Variants in SOX5 observed in about 807,000 individuals in gnomAD.
The protein encoded by SOX5 is transcription factor SOX-5.
A neutral mutation model predicts 92.0 loss-of-function variants in SOX5; 9 were observed. The observed-to-expected ratio is 0.10, with a 90% CI of 0.06 to 0.17. The LOEUF (loss-of-function observed/expected upper bound fraction) is 0.17. SOX5 is among the 10% of genes least tolerant of loss of function. The pLI, the probability that SOX5 is intolerant of heterozygous loss-of-function variation, is 1.00. For missense variants in SOX5, 642 were observed against 944.5 expected (o/e 0.68, Z 4.20); for synonymous variants, 344 against 336.3 (o/e 1.02, Z -0.25).
chr12:23,587,750 T>C (rs548417839), intron 9 of SOX5, among the ~76,000 whole-genome samples: 1 of 152,224 alleles, frequency 6.6e-6, no homozygotes, highest in Admixed American at 6.5e-5. Context: ...TATAGACCTA[T>C]TTGCCTTCAA....
intron 3 of SOX5, among the ~76,000 whole-genome samples, chr12:23,838,069 TTATATTTATATTTATA>T (rs1309480858): frequency 5.2e-3 from 160 of 30,794 alleles, no homozygotes; most frequent in African/African-American, 0.02. Context: ...CTTATATATA[TTATATTTATATTTATA>T]TATATTTATA....
At chr12:23,588,500 AAAG>A (rs1951063128) in intron 9 of SOX5, among the ~76,000 whole-genome samples, 1 of 152,056 alleles carries the variant, frequency 6.6e-6, no homozygotes, top group South Asian at 2.1e-4. Context: ...CATAACATTA[AAAG>A]AATAATAAAT....
intron 3 of SOX5, among the ~76,000 whole-genome samples, chr12:23,761,808 G>A (rs867784173): frequency 7.2e-5 from 11 of 152,116 alleles, no homozygotes; most frequent in South Asian, 2.1e-4. Flanking sequence ...TTATTAACTC[G>A]ATAATCTGTT....
chr12:24,143,880 G>A (rs946185797), intron 4 of SOX5, among the ~76,000 whole-genome samples: 1 of 150,814 alleles, frequency 6.6e-6, no homozygotes, highest in Non-Finnish European at 1.5e-5. Context: ...GGAGGAGGAG[G>A]AGGAAAGGAG....
At chr12:23,979,338 C>T (rs1007471588) in intron 4 of SOX5, among the ~76,000 whole-genome samples, 7 of 152,074 alleles carry the variant, frequency 4.6e-5, no homozygotes, top group African/African-American at 1.7e-4. Context: ...ATTCTCCTGC[C>T]TTAGCCTCCT....
intron 10 of SOX5, among the ~76,000 whole-genome samples, chr12:23,568,040 T>C (rs1947457236): frequency 6.6e-6 from 1 of 152,210 alleles, no homozygotes; most frequent in Non-Finnish European, 1.5e-5. Flanking sequence ...TATCTGTGAC[T>C]CTGGCCTCTT....
intron 4 of SOX5, among the ~76,000 whole-genome samples, chr12:24,167,711 ATT>A (rs1257109156): frequency 6.6e-6 from 1 of 152,198 alleles, no homozygotes; most frequent in African/African-American, 2.4e-5. Context: ...CTAAACATTT[ATT>A]TTGTTTCGAT....
intron 3 of SOX5, among the ~76,000 whole-genome samples, chr12:23,844,715 T>G (rs79148603): frequency 0.021 from 3,174 of 152,278 alleles, 113 homozygotes; most frequent in African/African-American, 0.072. Flanking sequence ...CACACAGGAA[T>G]AGCTATGACT....
At chr12:23,534,740 G>A (rs917746551) in intron 14 of SOX5, among the ~76,000 whole-genome samples, 10 of 123,522 alleles carry the variant, frequency 8.1e-5, no homozygotes, top group East Asian at 4.6e-4. Flanking sequence ...ACGTAGTTTC[G>A]CTCCTGTTGC....
At chr12:23,959,740 A>T (rs1946683110) in intron 4 of SOX5, among the ~76,000 whole-genome samples, 1 of 152,190 alleles carries the variant, frequency 6.6e-6, no homozygotes, top group Non-Finnish European at 1.5e-5. Flanking sequence ...CAAATTGTTC[A>T]AAGAAAAGGA....
intron 1 of SOX5, among the ~76,000 whole-genome samples, chr12:24,473,785 T>G (rs938176010): frequency 6.6e-6 from 1 of 152,192 alleles, no homozygotes; most frequent in Admixed American, 6.5e-5. Context: ...CAATACCTGA[T>G]GTATTTTCTA....
Position 24,393,642 on chromosome 12 carries a change from G to A in SOX5, c.-250-25003C>T, listed in dbSNP as rs1292397150. On this transcript the variant is annotated intron_variant, in intron 1 of 4. Coordinates refer to the SOX5 transcript ENST00000446891. The surrounding 1 kb of genome is among the most constrained non-coding windows in gnomAD (Gnocchi z 5.0). ...ATCTTTTATACGGATTACGCTTTAA[G>A]ACATGGCCCTTGTCATGGAAACTAG... is the stretch of plus-strand genomic sequence containing the variant. Among the ~76,000 whole-genome samples, 1 of 152,198 alleles carries A rather than the reference G, an allele frequency of 6.6e-6. No homozygotes were observed. The highest frequency in any genetic ancestry group is 1.5e-5 in the Non-Finnish European group (1 of 68,032).
chr12:23,925,967 T>C (rs1274458412), intron 1 of SOX5, among the ~76,000 whole-genome samples: 1 of 152,088 alleles, frequency 6.6e-6, no homozygotes, highest in African/African-American at 2.4e-5. Context: ...ATAACCATAC[T>C]GGTTATAGCA....
intron 3 of SOX5, among the ~76,000 whole-genome samples, chr12:24,263,208 G>C (rs1942439932): frequency 1.3e-5 from 2 of 151,918 alleles, no homozygotes; most frequent in Admixed American, 6.6e-5. Context: ...CTGGCTGACA[G>C]AGCAAGACTC....
intron 2 of SOX5, among the ~76,000 whole-genome samples, chr12:24,308,318 C>T (rs1948822343): frequency 1.3e-5 from 2 of 152,166 alleles, no homozygotes; most frequent in African/African-American, 2.4e-5. Context: ...TATATGCCAA[C>T]ATATAAAAGC....
chr12:23,668,423 A>G (rs1283561948), intron 6 of SOX5, among the ~76,000 whole-genome samples: 1 of 152,154 alleles, frequency 6.6e-6, no homozygotes, highest in African/African-American at 2.4e-5. Context: ...TTATTCCTAT[A>G]TCTTGATGGA....
chr12:23,936,882 G>C (rs1050779085), intron 1 of SOX5, among the ~76,000 whole-genome samples: 2 of 150,876 alleles, frequency 1.3e-5, no homozygotes, highest in African/African-American at 4.8e-5. Flanking sequence ...GAAAGCCAGT[G>C]CGTATTTTAT....
At chr12:24,443,438 C>A (rs1940969909) in intron 1 of SOX5, among the ~76,000 whole-genome samples, 1 of 152,118 alleles carries the variant, frequency 6.6e-6, no homozygotes, top group African/African-American at 2.4e-5. Flanking sequence ...ATTCATGATA[C>A]CAGTCAATAA....
Position 23,532,437 on chromosome 12 carries a change from A to ACTT in SOX5, c.*1779_*1781dup, listed in dbSNP as rs1255161771. 2.0e-4 allele frequency: 31 copies of ACTT among 152,010 alleles called. No individual in the cohort carries two copies. The highest frequency in any genetic ancestry group is 9.6e-4 in the East Asian group (5 of 5,188). The allele number at this position is 152,010 out of a possible 1,614,324, so 9.4% of individuals were successfully genotyped here. A position where few individuals can be genotyped will look rare whatever the true frequency, so the allele number is the denominator to read the frequency against. Reference sequence around the variant, plus strand: ...TTGCAGTATTTACTATCTATCTGATACTTCAATACAAATAATGGCAATTGA... The same window carrying ACTT: ...TTGCAGTATTTACTATCTATCTGATACTTCTTCAATACAAATAATGGCAATTGA... On this transcript the variant is annotated 3_prime_UTR_variant, in exon 15 of 15. Transcript: ENST00000451604.
Sources: allele counts gnomAD v4.1 joint callset (sites outside exome capture counted in the v4.1 genomes callset), GRCh38; gene constraint gnomAD v4.1.1; non-coding constraint Gnocchi (gnomAD v3.1); transcripts MANE v1.5; gene names NCBI Gene and HGNC (gene_info 2026-07-23, HGNC 2026-07-21).